Variants in TAFA2 observed in about 807,000 individuals in gnomAD.
TAFA2 encodes the protein TAFA chemokine like family member 2, also known as chemokine-like protein TAFA-2.
Under a neutral mutation model 18.8 loss-of-function variants are expected in TAFA2, and 7 were observed. That is an observed-to-expected ratio of 0.37 (90% CI 0.21 to 0.70). The LOEUF (loss-of-function observed/expected upper bound fraction) is 0.70. Ranked by LOEUF, TAFA2 falls within the 30% of genes least tolerant of loss-of-function variation. The probability of loss-of-function intolerance (pLI) is 0.53; values close to 1 mark genes in which losing one functional copy is unlikely to be tolerated. For synonymous variants in TAFA2, 60 were observed against 54.2 expected, an observed-to-expected ratio of 1.11 and a Z score of -0.47; for missense variants, 122 against 158.1, an observed-to-expected ratio of 0.77 and a Z score of 1.23.
At chr12:62,175,839 A>T (rs1476213715) in intron 1 of TAFA2, among the ~76,000 whole-genome samples, 1 of 150,802 alleles carries the variant, frequency 6.6e-6, no homozygotes, top group Non-Finnish European at 1.5e-5. Context: ...GAGACCAAGA[A>T]AGTGAATTAA....
intron 4 of TAFA2, among the ~76,000 whole-genome samples, chr12:61,719,457 T>G (rs1373608157): frequency 6.6e-6 from 1 of 152,078 alleles, no homozygotes; most frequent in Non-Finnish European, 1.5e-5. Context: ...CTCCACCTGG[T>G]CCCAAGCAAT....
chr12:61,843,177 A>T (rs1252792664), intron 2 of TAFA2, among the ~76,000 whole-genome samples: 2 of 152,096 alleles, frequency 1.3e-5, no homozygotes, highest in Admixed American at 1.3e-4. Flanking sequence ...AAAAGAGGGC[A>T]ATCATGAAAA....
intron 1 of TAFA2, among the ~76,000 whole-genome samples, chr12:62,106,490 A>T (rs547520296): frequency 3.3e-4 from 51 of 152,274 alleles, no homozygotes; most frequent in African/African-American, 1.2e-3. Flanking sequence ...GGGAAAATAA[A>T]GGGAGAGGCA....
chr12:61,806,329 T>C (rs1871611299), intron 2 of TAFA2, among the ~76,000 whole-genome samples: 1 of 151,246 alleles, frequency 6.6e-6, no homozygotes, highest in Non-Finnish European at 1.5e-5. Flanking sequence ...TAAGGGGGAG[T>C]TTCCCTGCAC....
intron 1 of TAFA2, among the ~76,000 whole-genome samples, chr12:61,976,162 C>A (rs1349258629): frequency 2.6e-5 from 4 of 151,754 alleles, no homozygotes; most frequent in Admixed American, 2.0e-4. Context: ...TAGAAAGAAT[C>A]ATTAATAGAT....
chr12:61,950,264 A>G (rs1878419760), intron 1 of TAFA2, among the ~76,000 whole-genome samples: 1 of 152,138 alleles, frequency 6.6e-6, no homozygotes, highest in Admixed American at 6.6e-5. Context: ...GCTTTCAATC[A>G]TTTTAGGTCT....
intron 1 of TAFA2, among the ~76,000 whole-genome samples, chr12:62,244,237 C>CTTTTTTTTTTTTTTTT (rs35569192): frequency 7.4e-6 from 1 of 134,276 alleles, no homozygotes; most frequent in Non-Finnish European, 1.6e-5. Flanking sequence ...TTTCTTTTGT[C>CTTTTTTTTTTTTTTTT]TTTTTTTTTT....
intron 2 of TAFA2, among the ~76,000 whole-genome samples, chr12:61,826,362 G>GTGTA (rs1335509085): frequency 1.3e-5 from 2 of 151,724 alleles, no homozygotes; most frequent in African/African-American, 2.4e-5. Flanking sequence ...GTGTGTGTGT[G>GTGTA]TATTTGTAAA....
intron 1 of TAFA2, among the ~76,000 whole-genome samples, chr12:61,907,457 A>G (rs191279451): frequency 1.4e-4 from 22 of 152,372 alleles, no homozygotes; most frequent in East Asian, 9.6e-4. Flanking sequence ...AGAGAAGTTA[A>G]GAATGAGGTT....
At chr12:61,973,341 A>T (rs1305924773) in intron 1 of TAFA2, among the ~76,000 whole-genome samples, 2 of 151,540 alleles carry the variant, frequency 1.3e-5, no homozygotes, top group African/African-American at 2.4e-5. Flanking sequence ...CCCAAGGATG[A>T]CTACATGTTG....
intron 1 of TAFA2, among the ~76,000 whole-genome samples, chr12:62,132,960 TACA>T (rs1447363270): frequency 1.3e-5 from 2 of 152,020 alleles, no homozygotes; most frequent in Non-Finnish European, 2.9e-5. Flanking sequence ...GTGTTGTCAG[TACA>T]ACATTTTCAA....
At chr12:61,919,839 C>T (rs1366368641) in intron 1 of TAFA2, among the ~76,000 whole-genome samples, 1 of 151,968 alleles carries the variant, frequency 6.6e-6, no homozygotes, top group Non-Finnish European at 1.5e-5. Context: ...GAAAATGGTG[C>T]AATGAATCAT....
rs182826828 is a variant in TAFA2 at position 61,788,330 on chromosome 12, T to A, written c.107-33306A>T. On this transcript the variant is annotated intron_variant, in intron 2 of 4. Coordinates refer to ENST00000416284, the MANE Select transcript of TAFA2 (RefSeq NM_178539.5). ...AAACATCAACAAAGAAACACTGAAT[T>A]TAAACTGCACTCAAGCTCAAATTAA... Among the ~76,000 whole-genome samples, 355 of 151,766 alleles carry A rather than the reference T, an allele frequency of 2.3e-3. 2 individuals are homozygous for A. Among genetic ancestry groups the A allele is most frequent in the African/African-American group, 8.0e-3 (333 of 41,476 alleles).
chr12:62,150,740 C>CA (rs951378439), intron 1 of TAFA2, among the ~76,000 whole-genome samples: 23 of 151,738 alleles, frequency 1.5e-4, no homozygotes, highest in Non-Finnish European at 2.1e-4. Flanking sequence ...CCATCTCTAC[C>CA]AAAAAAATAC....
chr12:61,745,501 C>T (rs1007226320), intron 4 of TAFA2, among the ~76,000 whole-genome samples: 4 of 152,084 alleles, frequency 2.6e-5, no homozygotes, highest in Non-Finnish European at 5.9e-5. Context: ...CCTCCCAAGA[C>T]CTCAATCAAC....
intron 1 of TAFA2, among the ~76,000 whole-genome samples, chr12:61,882,267 G>C (rs2121274131): frequency 6.6e-6 from 1 of 152,268 alleles, no homozygotes; most frequent in Non-Finnish European, 1.5e-5. Flanking sequence ...GAAAGAAAAG[G>C]ACCTACTGAA....
chr12:62,101,026 C>G (rs1355131676), intron 1 of TAFA2, among the ~76,000 whole-genome samples: 3 of 152,114 alleles, frequency 2.0e-5, no homozygotes, highest in African/African-American at 7.2e-5. Flanking sequence ...CATACCCATA[C>G]TTGCAGACAC....
At chr12:62,153,921 A>ATTATG (rs60466452) in intron 1 of TAFA2, among the ~76,000 whole-genome samples, 35,263 of 123,776 alleles carry the variant, frequency 0.28, 5,435 homozygotes, top group Middle Eastern at 0.3. Flanking sequence ...ACATAACAAA[A>ATTATG]TTATGTTATG....
intron 2 of TAFA2, among the ~76,000 whole-genome samples, chr12:61,787,579 G>A (rs1255472725): frequency 6.6e-6 from 1 of 151,634 alleles, no homozygotes; most frequent in Non-Finnish European, 1.5e-5. Context: ...AGAGGAGGAC[G>A]AAAGTCTAGA....
Sources: allele counts gnomAD v4.1 joint callset (sites outside exome capture counted in the v4.1 genomes callset), GRCh38; gene constraint gnomAD v4.1.1; transcripts MANE v1.5; gene names NCBI Gene and HGNC (gene_info 2026-07-23, HGNC 2026-07-21).